EYA2: variants seen among roughly 807,000 people sequenced by gnomAD.
EYA2 encodes protein phosphatase EYA2.
Under a neutral mutation model 69.2 loss-of-function variants are expected in EYA2, and 31 were observed. The ratio of observed to expected loss-of-function variants is 0.45; its 90% CI spans 0.34 to 0.60. EYA2 has a LOEUF of 0.60. Among genes scored for constraint, EYA2 ranks in the 20% least tolerant of loss-of-function variants. The probability of loss-of-function intolerance (pLI) is 0.02; values close to 1 mark genes in which losing one functional copy is unlikely to be tolerated. For missense variants in EYA2, 622 were observed against 701.2 expected (o/e 0.89, Z 1.28); for synonymous variants, 257 against 279.4 (o/e 0.92, Z 0.80).
At chr20:47,179,581 G>T (rs1485047806) in intron 12 of EYA2, among the ~76,000 whole-genome samples, 1 of 148,892 alleles carries the variant, frequency 6.7e-6, no homozygotes, top group Non-Finnish European at 1.5e-5. Flanking sequence ...TGAATGGAAG[G>T]GTGGATGGGT....
intron 9 of EYA2, among the ~76,000 whole-genome samples, chr20:47,125,762 T>C (rs2033174001): frequency 6.6e-6 from 1 of 152,254 alleles, no homozygotes; most frequent in South Asian, 2.1e-4. Context: ...TTAATACTTT[T>C]CTTCCTTGTG....
intron 1 of EYA2, among the ~76,000 whole-genome samples, chr20:46,948,001 C>T (rs1978565423): frequency 6.6e-6 from 1 of 151,408 alleles, no homozygotes; most frequent in Admixed American, 6.6e-5. Flanking sequence ...CCTGTAGTCC[C>T]AGCCACTCAG....
In EYA2 at chr20:47,009,212, C is replaced by T. The variant is rs1982911702; in HGVS notation, c.298+4128C>T. Reference sequence around the variant, plus strand: ...GTGCACGCACACACACATACACACACACAGAATGTCCATGTCACTGAACAA... The same window carrying T: ...GTGCACGCACACACACATACACACATACAGAATGTCCATGTCACTGAACAA... On this transcript the variant is annotated intron_variant, in intron 4 of 15. Coordinates refer to ENST00000327619, the MANE Select transcript of EYA2 (RefSeq NM_005244.5). Among the ~76,000 whole-genome samples, 3 of 152,316 alleles carry T rather than the reference C, an allele frequency of 2.0e-5. No homozygotes were observed. The South Asian group carries it at 6.2e-4, about 32-fold the overall frequency.
chr20:46,908,373 A>C (rs1390256784), intron 1 of EYA2, among the ~76,000 whole-genome samples: 1 of 152,226 alleles, frequency 6.6e-6, no homozygotes, highest in Non-Finnish European at 1.5e-5. Context: ...GTAGGAGAAC[A>C]TTCTAGAAAG....
At chr20:47,147,383 A>C (rs1324503701) in intron 10 of EYA2, among the ~76,000 whole-genome samples, 1 of 152,082 alleles carries the variant, frequency 6.6e-6, no homozygotes, top group Non-Finnish European at 1.5e-5. Flanking sequence ...AAAGACCTGA[A>C]GGAGGTGGAG....
At chr20:46,980,147 A>G (rs1358394658) in intron 1 of EYA2, among the ~76,000 whole-genome samples, 1 of 152,186 alleles carries the variant, frequency 6.6e-6, no homozygotes, top group Non-Finnish European at 1.5e-5. Context: ...CACCTGGTTG[A>G]GAATCCTGAC....
intron 7 of EYA2, among the ~76,000 whole-genome samples, 167 bp from the exon 8 acceptor site, chr20:47,089,072 G>T (rs530240090): frequency 1.3e-5 from 2 of 152,196 alleles, no homozygotes; most frequent in Non-Finnish European, 2.9e-5. Flanking sequence ...TCACCAATGG[G>T]CAATTTAAGG....
At chr20:47,008,996 C>T (rs1982896581) in intron 4 of EYA2, among the ~76,000 whole-genome samples, 1 of 152,218 alleles carries the variant, frequency 6.6e-6, no homozygotes, top group Admixed American at 6.5e-5. Flanking sequence ...GTGAAAGTAG[C>T]CAGACTGAAT....
intron 14 of EYA2, among the ~76,000 whole-genome samples, chr20:47,182,373 A>G (rs2034553754): frequency 6.7e-6 from 1 of 149,692 alleles, no homozygotes; most frequent in Non-Finnish European, 1.5e-5. Context: ...CACGCCTGTA[A>G]TCCCAGCACT....
intron 8 of EYA2, among the ~76,000 whole-genome samples, chr20:47,093,586 T>C (rs1353109720): frequency 6.6e-6 from 1 of 152,162 alleles, no homozygotes; most frequent in South Asian, 2.1e-4. Context: ...CAGCGCAAGC[T>C]GTGCTGTGGC....
At chr20:47,059,766 G>C (rs2030792846) in intron 5 of EYA2, among the ~76,000 whole-genome samples, 1 of 152,216 alleles carries the variant, frequency 6.6e-6, no homozygotes, top group African/African-American at 2.4e-5. Flanking sequence ...ATCTTACTCA[G>C]TGCTAGTCTA....
chr20:47,078,133 C>A (rs139907652), intron 7 of EYA2, among the ~76,000 whole-genome samples: 2 of 152,180 alleles, frequency 1.3e-5, no homozygotes, highest in Non-Finnish European at 2.9e-5. Flanking sequence ...TCCCTCTGTT[C>A]TTCCTTTATC....
intron 5 of EYA2, among the ~76,000 whole-genome samples, chr20:47,018,625 A>G (rs1236018798): frequency 2.0e-5 from 3 of 152,230 alleles, no homozygotes; most frequent in Non-Finnish European, 4.4e-5. Flanking sequence ...GCGGGAACGC[A>G]AGAGCAAAGG....
chr20:46,899,948 C>A (rs945114937), intron 1 of EYA2, among the ~76,000 whole-genome samples: 1 of 152,130 alleles, frequency 6.6e-6, no homozygotes, highest in Non-Finnish European at 1.5e-5. Context: ...TTAGACGCGC[C>A]GCAATGCCAA....
chr20:46,928,237 G>T (rs1410031616), intron 1 of EYA2, among the ~76,000 whole-genome samples: 1 of 152,168 alleles, frequency 6.6e-6, no homozygotes, highest in African/African-American at 2.4e-5. Context: ...GTTCCAGGAC[G>T]TGAGTTTGAA....
At chr20:47,183,206 G>A (rs2034570824) in intron 14 of EYA2, 85 bp from the exon 15 acceptor site, 4 of 1,262,606 alleles carry the variant, frequency 3.2e-6, no homozygotes, top group Non-Finnish European at 3.4e-6. Context: ...CACAGCTGCA[G>A]GCACCAAGCT....
rs9941776 is a variant in EYA2 at position 47,047,544 on chromosome 20, G to A, written c.416-24641G>A. ...CAGAATTACAGGCATGTGCCACCAC[G>A]CCTGGCTAATTTTTGTATTTTTAGT... On this transcript the variant is annotated intron_variant, in intron 5 of 15. Coordinates refer to ENST00000327619, the MANE Select transcript of EYA2 (RefSeq NM_005244.5). Among the ~76,000 whole-genome samples the A allele has an allele frequency of 6.5e-3, 985 of 152,218 alleles. 9 individuals carry two copies. Among genetic ancestry groups the A allele is most frequent in the African/African-American group, 0.022 (931 of 41,524 alleles).
intron 2 of EYA2, among the ~76,000 whole-genome samples, chr20:47,000,314 G>C (rs73911846): frequency 7.9e-5 from 12 of 152,274 alleles, no homozygotes; most frequent in East Asian, 3.9e-4. Context: ...CATTGCACAG[G>C]GGGGAGCCCT....
intron 9 of EYA2, among the ~76,000 whole-genome samples, chr20:47,109,453 A>G (rs1473027155): frequency 6.6e-6 from 1 of 151,972 alleles, no homozygotes; most frequent in Non-Finnish European, 1.5e-5. Flanking sequence ...CCTGTAACAT[A>G]TACATTCTCT....
Sources: allele counts gnomAD v4.1 joint callset (sites outside exome capture counted in the v4.1 genomes callset), GRCh38; gene constraint gnomAD v4.1.1; transcripts MANE v1.5; gene names NCBI Gene and HGNC (gene_info 2026-07-23, HGNC 2026-07-21).